Variants in CSMD1 observed in about 807,000 individuals in gnomAD.
CSMD1 encodes the protein CUB and sushi domain-containing protein 1.
In CSMD1, 213 loss-of-function variants were observed where a neutral mutation model predicts 417.5. The ratio of observed to expected loss-of-function variants is 0.51; its 90% CI spans 0.46 to 0.57. The LOEUF is 0.57. Among genes scored for constraint, CSMD1 ranks in the 20% least tolerant of loss-of-function variants. The pLI is 0.00. For synonymous variants in CSMD1, 2,862 were observed against 1,736.8 expected (o/e 1.65, Z -16.11); for missense variants, 6,923 against 4,529.7 (o/e 1.53, Z -15.17).
At chr8:4,588,806 A>ACACACACACACAC (rs1563313415) in intron 2 of CSMD1, among the ~76,000 whole-genome samples, 22 of 150,972 alleles carry the variant, frequency 1.5e-4, no homozygotes, top group South Asian at 2.1e-4. Context: ...ACACACACAC[A>ACACACACACACAC]AAAGAAACTC....
chr8:4,689,193 C>A (rs1481979120), intron 1 of CSMD1, among the ~76,000 whole-genome samples: 1 of 152,172 alleles, frequency 6.6e-6, no homozygotes, highest in South Asian at 2.1e-4. Flanking sequence ...TAGGTTTATT[C>A]TTTTGTGTTC....
At position 4,536,854 on chromosome 8, in the gene CSMD1, T is replaced by A. The variant is rs73661513; in HGVS notation, c.302+100488A>T. Among the ~76,000 whole-genome samples the A allele has an allele frequency of 2.3e-3, 344 of 152,312 alleles. 6 individuals carry two copies. Among genetic ancestry groups the A allele is most frequent in the African/African-American group, 7.8e-3 (323 of 41,562 alleles). ...TTCACAAGGGGTGTCACCTTTTGCA[T>A]TTTGCACAATAGTGCATCAGAGTGC... On this transcript the variant is annotated intron_variant, in intron 2 of 69. Transcript: ENST00000635120.
At chr8:4,303,359 A>C (rs763272414) in intron 3 of CSMD1, among the ~76,000 whole-genome samples, 12 of 151,508 alleles carry the variant, frequency 7.9e-5, no homozygotes, top group Non-Finnish European at 1.2e-4. Flanking sequence ...TCCATCACCA[A>C]AATCTTCAAA....
intron 2 of CSMD1, among the ~76,000 whole-genome samples, chr8:4,548,141 G>C (rs1261703255): frequency 5.3e-5 from 8 of 151,610 alleles, no homozygotes; most frequent in African/African-American, 1.5e-4. Context: ...GTTTTGGATG[G>C]TACCGAATGT....
chr8:4,166,192 AAT>A (rs1477354928), intron 3 of CSMD1, among the ~76,000 whole-genome samples: 2 of 152,220 alleles, frequency 1.3e-5, no homozygotes, highest in African/African-American at 2.4e-5. Context: ...GCAAATGCAA[AAT>A]AGTCAGTTTT....
chr8:4,422,101 T>C (rs530158534), intron 2 of CSMD1, among the ~76,000 whole-genome samples: 16 of 152,116 alleles, frequency 1.1e-4, no homozygotes, highest in African/African-American at 3.1e-4. Flanking sequence ...AATGAAAAAA[T>C]ACATAATATG....
At chr8:4,525,073 G>C (rs1042079267) in intron 2 of CSMD1, among the ~76,000 whole-genome samples, 1 of 152,116 alleles carries the variant, frequency 6.6e-6, no homozygotes, top group Non-Finnish European at 1.5e-5. Context: ...TAAACTGCAA[G>C]TCAAATACAT....
intron 5 of CSMD1, among the ~76,000 whole-genome samples, chr8:3,773,206 G>T (rs951472080): frequency 1.3e-5 from 2 of 152,186 alleles, no homozygotes; most frequent in African/African-American, 4.8e-5. Flanking sequence ...ACGATGGCAT[G>T]TACTCACATA....
intron 3 of CSMD1, among the ~76,000 whole-genome samples, chr8:4,248,495 T>C (rs977158290): frequency 2.6e-5 from 4 of 152,208 alleles, no homozygotes; most frequent in Non-Finnish European, 5.9e-5. Flanking sequence ...TTTTGAACTA[T>C]TCATTAATAT....
chr8:4,249,969 T>C (rs533695135), intron 3 of CSMD1, among the ~76,000 whole-genome samples: 5 of 152,098 alleles, frequency 3.3e-5, no homozygotes, highest in East Asian at 1.9e-4. Flanking sequence ...TTAATGCCCA[T>C]ATAAAGAGGA....
chr8:3,494,911 G>A (rs1796303894), intron 10 of CSMD1, among the ~76,000 whole-genome samples: 1 of 152,134 alleles, frequency 6.6e-6, no homozygotes, highest in Non-Finnish European at 1.5e-5. Flanking sequence ...GCATAGAGAA[G>A]ACAGACTTCC....
At chr8:4,749,471 A>T (rs1249616382) in intron 1 of CSMD1, among the ~76,000 whole-genome samples, 3 of 152,220 alleles carry the variant, frequency 2.0e-5, no homozygotes, top group African/African-American at 7.2e-5. Flanking sequence ...CTTCTTGAGA[A>T]AGGAATTCCA....
chr8:4,689,518 A>T (rs958174578), intron 1 of CSMD1, among the ~76,000 whole-genome samples: 1 of 152,200 alleles, frequency 6.6e-6, no homozygotes, highest in Non-Finnish European at 1.5e-5. Context: ...CTTCTCAGAG[A>T]AGTTTTAAAG....
chr8:3,738,360 G>C (rs1732508418), intron 6 of CSMD1, among the ~76,000 whole-genome samples: 1 of 152,170 alleles, frequency 6.6e-6, no homozygotes, highest in Non-Finnish European at 1.5e-5. Context: ...ATTGGGGCCT[G>C]GCAAAAATAA....
chr8:4,388,201 G>A (rs1390856460), intron 3 of CSMD1, among the ~76,000 whole-genome samples: 1 of 151,802 alleles, frequency 6.6e-6, no homozygotes, highest in East Asian at 1.9e-4. Flanking sequence ...GTCATTATAC[G>A]AAAAAGATAT....
At position 3,394,025 on chromosome 8, in the gene CSMD1, T is replaced by A. The variant is rs1195562879; in HGVS notation, c.2593+2169A>T. Reference sequence around the variant, plus strand: ...TAAAAAAATAAATTATATATATATATATATATATATATATATATATATATA... The same window carrying A: ...TAAAAAAATAAATTATATATATATAAATATATATATATATATATATATATA... On this transcript the variant is annotated intron_variant, in intron 17 of 69. Transcript: ENST00000635120. Among the ~76,000 whole-genome samples, 351 of 55,110 alleles carry A rather than the reference T, an allele frequency of 6.4e-3. 13 individuals carry two copies. The highest frequency in any genetic ancestry group is 0.017 in the African/African-American group (211 of 12,544). The allele number at this position is 55,110 out of a possible 152,430, so 36.2% of individuals were successfully genotyped here.
chr8:4,182,600 G>A lies in CSMD1; in HGVS notation c.416-150501C>T, dbSNP rs74672006. Among the ~76,000 whole-genome samples the A allele has an allele frequency of 5.4e-3, 817 of 152,144 alleles. 10 individuals carry two copies. The highest frequency in any genetic ancestry group is 0.018 in the African/African-American group (758 of 41,528). On this transcript the variant is annotated intron_variant, in intron 3 of 69. Coordinates refer to ENST00000635120, the MANE Select transcript of CSMD1 (RefSeq NM_033225.6). ...AAAGAATTTAGCATTCTACTCTGAG[G>A]GAATTTTATGGACAACAGTGTTTAT... is the stretch of plus-strand genomic sequence containing the variant.
intron 1 of CSMD1, among the ~76,000 whole-genome samples, chr8:4,876,110 GCTTGGTTTGAACAATGGTAAAAT>G: frequency 6.6e-6 from 1 of 152,060 alleles, no homozygotes; most frequent in Non-Finnish European, 1.5e-5. Context: ...AGTAAGTTCA[GCTTGGTTTGAACAATGGTAAAAT>G]TAAGGAATAC....
At chr8:3,397,796 A>G (rs2116860714) in intron 16 of CSMD1, among the ~76,000 whole-genome samples, 1 of 152,248 alleles carries the variant, frequency 6.6e-6, no homozygotes. Flanking sequence ...GGAAACAGAA[A>G]CATCTGGATG....
Sources: allele counts gnomAD v4.1 joint callset (sites outside exome capture counted in the v4.1 genomes callset), GRCh38; gene constraint gnomAD v4.1.1; transcripts MANE v1.5; gene names NCBI Gene and HGNC (gene_info 2026-07-23, HGNC 2026-07-21).